The following PTPRG variants were observed in gnomAD, a reference collection of about 807,000 sequenced individuals.
PTPRG encodes the protein receptor-type tyrosine-protein phosphatase gamma.
Under a neutral mutation model 165.3 loss-of-function variants are expected in PTPRG, and 102 were observed. The observed-to-expected ratio is 0.62, with a 90% confidence interval of 0.53 to 0.73. The LOEUF (loss-of-function observed/expected upper bound fraction) is 0.73, where lower values mean the gene tolerates loss of function less well. Among genes scored for constraint, PTPRG ranks in the 30% least tolerant of loss-of-function variants. The pLI is 0.00. For synonymous variants in PTPRG, 675 were observed against 669.5 expected (o/e 1.01, Z -0.13); for missense variants, 1,866 against 1,861.4 (o/e 1.00, Z -0.05).
intron 2 of PTPRG, among the ~76,000 whole-genome samples, chr3:61,967,576 A>G (rs978663070): frequency 2.0e-5 from 3 of 152,202 alleles, no homozygotes; most frequent in Non-Finnish European, 2.9e-5. Flanking sequence ...TGGGAAGGAA[A>G]GGTATATAGT....
At chr3:61,731,349 CTTTT>C (rs543374959) in intron 1 of PTPRG, among the ~76,000 whole-genome samples, 2 of 132,184 alleles carry the variant, frequency 1.5e-5, no homozygotes, top group Admixed American at 7.7e-5. Flanking sequence ...TTCCTTTTTC[CTTTT>C]TTTTTTTTTT....
At chr3:61,664,893 A>C (rs1378639476) in intron 1 of PTPRG, among the ~76,000 whole-genome samples, 1 of 152,228 alleles carries the variant, frequency 6.6e-6, no homozygotes, top group Non-Finnish European at 1.5e-5. Flanking sequence ...ATTGAGTAGT[A>C]GGAAGTTTTT....
intron 1 of PTPRG, among the ~76,000 whole-genome samples, chr3:61,619,849 C>T (rs1057048307): frequency 3.9e-5 from 6 of 152,144 alleles, no homozygotes; most frequent in South Asian, 2.1e-4. Context: ...TGTTTTGAAC[C>T]CTAGGAAGTC....
intron 5 of PTPRG, among the ~76,000 whole-genome samples, chr3:62,090,345 T>A (rs1367466027): frequency 6.6e-6 from 1 of 152,156 alleles, no homozygotes; most frequent in Non-Finnish European, 1.5e-5. Context: ...TAGTTTTTTT[T>A]TAAACTGAAC....
intron 5 of PTPRG, among the ~76,000 whole-genome samples, chr3:62,120,196 A>G (rs1485930225): frequency 6.6e-6 from 1 of 152,296 alleles, no homozygotes; most frequent in East Asian, 1.9e-4. Context: ...AGGGTACAGC[A>G]GAGAAAGCAG....
chr3:62,086,458 G>A (rs919340079), intron 5 of PTPRG, among the ~76,000 whole-genome samples: 1 of 152,062 alleles, frequency 6.6e-6, no homozygotes, highest in African/African-American at 2.4e-5. Context: ...AGTTTGTGTT[G>A]GAGAATGGTG....
At chr3:62,079,700 G>A (rs6809602) in intron 5 of PTPRG, among the ~76,000 whole-genome samples, 16,359 of 152,138 alleles carry the variant, frequency 0.11, 1,862 homozygotes, top group African/African-American at 0.29. Context: ...ACACAATAGA[G>A]CATAGTGTTT....
chr3:61,911,520 A>G (rs896943601), intron 2 of PTPRG, among the ~76,000 whole-genome samples: 6 of 152,216 alleles, frequency 3.9e-5, no homozygotes, highest in Admixed American at 3.9e-4. Context: ...TTGAATAAAT[A>G]TACTTAAATA....
intron 2 of PTPRG, among the ~76,000 whole-genome samples, chr3:61,899,927 G>T (rs2038456004): frequency 6.6e-6 from 1 of 152,196 alleles, no homozygotes; most frequent in African/African-American, 2.4e-5. Flanking sequence ...GAAAGAGGAG[G>T]CATAAGGGAT....
intron 2 of PTPRG, among the ~76,000 whole-genome samples, chr3:61,751,223 A>G (rs1180795477): frequency 6.6e-6 from 1 of 152,228 alleles, no homozygotes; most frequent in Non-Finnish European, 1.5e-5. Context: ...TGTGTAAACA[A>G]GGCCAGGAAG....
rs116335253 is a variant in PTPRG, at chr3:62,074,986, T to G, written c.520-3177T>G. ...AACCTCATCTACTTATTCTTACATTTTAGACACTTCAAATATTACCGTAAT... is the reference window on the plus strand; with the variant it reads ...AACCTCATCTACTTATTCTTACATTGTAGACACTTCAAATATTACCGTAAT... On this transcript the variant is annotated intron_variant, in intron 4 of 29. Transcript: ENST00000474889. 1.0e-2 allele frequency among the ~76,000 whole-genome samples: 1,519 copies of G among 152,298 alleles called. 15 individuals carry two copies. Among genetic ancestry groups the G allele is most frequent in the African/African-American group, 0.034 (1,433 of 41,554 alleles).
At chr3:62,068,114 C>T (rs775932509) in intron 4 of PTPRG, among the ~76,000 whole-genome samples, 1 of 152,168 alleles carries the variant, frequency 6.6e-6, no homozygotes, top group Non-Finnish European at 1.5e-5. Context: ...CTATCTCAGC[C>T]TTAATTTCCT....
intron 1 of PTPRG, among the ~76,000 whole-genome samples, chr3:61,700,510 G>C (rs2030894389): frequency 6.6e-6 from 1 of 152,138 alleles, no homozygotes; most frequent in Non-Finnish European, 1.5e-5. Context: ...ATTGGGCTCA[G>C]TGAATTCCCT....
chr3:61,631,883 CAA>C (rs1701782660), intron 1 of PTPRG, among the ~76,000 whole-genome samples: 1 of 151,916 alleles, frequency 6.6e-6, no homozygotes, highest in Non-Finnish European at 1.5e-5. Flanking sequence ...AATCCAGTGA[CAA>C]AGAGGGAAAT....
chr3:61,581,330 G>A (rs1403134140), intron 1 of PTPRG, among the ~76,000 whole-genome samples: 1 of 152,208 alleles, frequency 6.6e-6, no homozygotes, highest in Non-Finnish European at 1.5e-5. Context: ...AAGTGTAAAA[G>A]CTCTGGGGTA....
chr3:62,123,991 T>C (rs1002742610), intron 5 of PTPRG, among the ~76,000 whole-genome samples: 4 of 152,154 alleles, frequency 2.6e-5, no homozygotes, highest in Admixed American at 6.5e-5. Flanking sequence ...TAAAAGTCTT[T>C]TTCATAAATA....
At position 62,240,370 on chromosome 3, in the gene PTPRG, GA is replaced by G. The variant is rs200369971; in HGVS notation, c.2376-3428del. On this transcript the variant is annotated intron_variant, in intron 14 of 29. Coordinates refer to ENST00000474889, the MANE Select transcript of PTPRG (RefSeq NM_002841.4). The surrounding 1 kb of genome is among the most constrained non-coding windows in gnomAD (Gnocchi z 5.1). Reference sequence around the variant, plus strand: ...AAAATACATACTCCCCCAATACCCAGAAAAAAAAATGGAAAACAGCCCATCT... The same window carrying G: ...AAAATACATACTCCCCCAATACCCAGAAAAAAAATGGAAAACAGCCCATCT... 3.3e-5 allele frequency among the ~76,000 whole-genome samples: 5 copies of G among 150,024 alleles called. No individual in the cohort carries two copies. The highest frequency in any genetic ancestry group is 1.2e-4 in the African/African-American group (5 of 40,888).
At chr3:62,098,313 C>T (rs1263986403) in intron 5 of PTPRG, among the ~76,000 whole-genome samples, 1 of 151,852 alleles carries the variant, frequency 6.6e-6, no homozygotes, top group African/African-American at 2.4e-5. Flanking sequence ...CCATGGTTTG[C>T]ATATCACTTA....
At chr3:61,998,417 C>T (rs1020975329) in intron 3 of PTPRG, among the ~76,000 whole-genome samples, 5 of 152,182 alleles carry the variant, frequency 3.3e-5, no homozygotes, top group African/African-American at 7.2e-5. Flanking sequence ...GAGCATTCGT[C>T]GTATATCAGC....
Sources: gnomAD v4.1 joint callset for allele counts (sites outside exome capture counted in the v4.1 genomes callset) on GRCh38, gnomAD v4.1.1 for gene constraint, Gnocchi (gnomAD v3.1) non-coding constraint, MANE v1.5 for transcripts, NCBI Gene and HGNC (gene_info 2026-07-23, HGNC 2026-07-21) for gene names.